The following COL12A1 variants were observed in gnomAD, a reference collection of about 807,000 sequenced individuals.
COL12A1 encodes the protein collagen alpha-1(XII) chain.
COL12A1 carries 114 observed loss-of-function variants against 349.7 expected under a neutral mutation model. That is an observed-to-expected ratio of 0.33 (90% CI 0.28 to 0.38). The LOEUF is 0.38. COL12A1 is among the 10% of genes least tolerant of loss of function. The pLI, the probability that COL12A1 is intolerant of heterozygous loss-of-function variation, is 1.00. For missense variants in COL12A1, 3,284 were observed against 3,756.9 expected (o/e 0.87, Z 3.29); for synonymous variants, 1,369 against 1,329.0 (o/e 1.03, Z -0.66).
chr6:75,086,404 G>A lies in COL12A1; in HGVS notation c.*143C>T, dbSNP rs931092677. On this transcript the variant is annotated 3_prime_UTR_variant, in exon 66 of 66. Coordinates refer to ENST00000322507, the MANE Select transcript of COL12A1 (RefSeq NM_004370.6). The stretch of plus-strand genomic sequence containing the variant: ...AAAAAGAGTCTCCACCCTCCTTTGT[G>A]ATGTCGACCCGGTTCGTTAACCATT... The A allele has an allele frequency of 1.8e-6, 1 of 546,194 alleles. No homozygotes were observed. Among genetic ancestry groups the A allele is most frequent in the East Asian group, 3.8e-5 (1 of 26,252 alleles). 33.8% of individuals were successfully genotyped at this position (546,194 alleles called of 1,614,324 possible). A position where few individuals can be genotyped will look rare whatever the true frequency, so the allele number is the denominator to read the frequency against.
rs761463900 is a variant in COL12A1 at position 75,192,344 on chromosome 6, T to C, written c.202A>G (p.Lys68Glu). The C allele has an allele frequency of 6.2e-7, 1 of 1,611,016 alleles. No homozygotes were observed. Among genetic ancestry groups the C allele is most frequent in the Non-Finnish European group, 8.5e-7 (1 of 1,178,362 alleles). ...GTACTAGCTGAAAGGGTAAATTCTT[T>C]AGTAGGCCCATCTGGAAATATAAAA... ...TVDPTTDGPT[K>E]EFTLSASTTE... Residue 68 changes from lysine to glutamate, a missense_variant, in exon 4 of 66, where the codon AAA becomes GAA. By Grantham distance (56) the Lys-to-Glu change is moderately conservative. Around this residue, in one of 2 missense-constraint regions of COL12A1, gnomAD observed 2,601 missense variants for 2,824.8 expected, o/e 0.92. Transcript: ENST00000322507.
At chr6:75,146,283 T>G in intron 23 of COL12A1, 39 bp from the exon 24 acceptor site, 1 of 1,530,994 alleles carries the variant, frequency 6.5e-7, no homozygotes, top group Non-Finnish European at 8.8e-7. Flanking sequence ...TCTAGTTCCT[T>G]TCATTCCACT....
intron 13 of COL12A1, among the ~76,000 whole-genome samples, chr6:75,170,100 A>C (rs1243643039): frequency 1.3e-5 from 2 of 152,176 alleles, no homozygotes; most frequent in African/African-American, 4.8e-5. Flanking sequence ...TAACTTTCCT[A>C]TGTTTCCTTA....
At chr6:75,093,189 C>A (rs992341572) in intron 60 of COL12A1, among the ~76,000 whole-genome samples, 1 of 152,128 alleles carries the variant, frequency 6.6e-6, no homozygotes, top group African/African-American at 2.4e-5. Flanking sequence ...TGTCTATATA[C>A]CCCCCAGAAT....
At chr6:75,147,263 C>T (rs1387330678) in intron 23 of COL12A1, among the ~76,000 whole-genome samples, 2 of 152,210 alleles carry the variant, frequency 1.3e-5, no homozygotes, top group Non-Finnish European at 2.9e-5. Flanking sequence ...TATCCTTCCT[C>T]ATATCTTACT....
chr6:75,104,190 AC>A (rs1366214482), intron 54 of COL12A1, among the ~76,000 whole-genome samples: 1 of 152,240 alleles, frequency 6.6e-6, no homozygotes, highest in Non-Finnish European at 1.5e-5. Context: ...GAGTATTAGA[AC>A]ATGTACTTAA....
intron 65 of COL12A1, 68 bp from the exon 66 acceptor site, chr6:75,086,625 C>G: frequency 2.6e-6 from 3 of 1,176,036 alleles, no homozygotes; most frequent in Non-Finnish European, 3.7e-6. Flanking sequence ...AATACACATC[C>G]ATCTACGTAT....
At chr6:75,097,211 T>C (rs1016039503) in intron 59 of COL12A1, 42 bp downstream of exon 59, 1 of 1,575,018 alleles carries the variant, frequency 6.3e-7, no homozygotes. Flanking sequence ...GGTGAGAGGG[T>C]GGGAGTGAAG....
chr6:75,098,648 G>A (rs928928991), intron 58 of COL12A1, among the ~76,000 whole-genome samples: 18 of 151,974 alleles, frequency 1.2e-4, no homozygotes, highest in Non-Finnish European at 2.2e-4. Flanking sequence ...GACACAGTGG[G>A]ACCCTATTTC....
In COL12A1 at chr6:75,123,376, C is replaced by T. The variant is rs1194108575; in HGVS notation, c.6900G>A (p.Glu2300=). The change falls in exon 43 of 66, where the codon GAG becomes GAA. Residue 2300 remains glutamate (E), a synonymous_variant. Coordinates refer to ENST00000322507, the MANE Select transcript of COL12A1 (RefSeq NM_004370.6). Reference sequence around the variant, plus strand: ...TGGGAGGGGGAGGAGGTGTGGGTGGCTCTGTAGGGGCTTCTGTTGGTTTCA... The same window carrying T: ...TGGGAGGGGGAGGAGGTGTGGGTGGTTCTGTAGGGGCTTCTGTTGGTTTCA... ...TTVKPTEAPT[E]PPTPPPPPTI... 6.3e-7 allele frequency: 1 copy of T among 1,599,454 alleles called. No individual in the cohort carries two copies. The highest frequency in any genetic ancestry group is 8.5e-7 in the Non-Finnish European group (1 of 1,172,298).
In COL12A1 at chr6:75,177,766, T is replaced by C. The variant is rs1582185053; in HGVS notation, c.2334A>G (p.Thr778=). Residue 778 remains threonine (T), a synonymous_variant, in exon 12 of 66, where the codon ACA becomes ACG. Coordinates refer to ENST00000322507, the MANE Select transcript of COL12A1 (RefSeq NM_004370.6). ...TCGTGTCTGGAATCAAGTTCTCCAG[T>C]GTTCTCCTCCTCTGATTGGGTGGGG... ...VTTPPNQRRR[T]LENLIPDTKY... 6.2e-7 allele frequency: 1 copy of C among 1,614,030 alleles called. No individual in the cohort carries two copies. Among genetic ancestry groups the C allele is most frequent in the African/African-American group, 1.3e-5 (1 of 74,918 alleles).
rs1769822041 is a variant in COL12A1, at chr6:75,189,642, T to A, written c.568A>T (p.Thr190Ser). 2.5e-6 allele frequency: 4 copies of A among 1,613,400 alleles called. No individual in the cohort carries two copies. Among genetic ancestry groups the A allele is most frequent in the Non-Finnish European group, 2.5e-6 (3 of 1,179,494 alleles). The change falls in exon 6 of 66, where the codon ACT becomes TCT. Residue 190 changes from threonine to serine, a missense_variant. Physicochemically the swap from Thr to Ser is moderately conservative, Grantham distance 58 (BLOSUM62 1). Around this residue, in one of 2 missense-constraint regions of COL12A1, gnomAD observed 2,601 missense variants for 2,824.8 expected, o/e 0.92. Transcript: ENST00000322507. ...GVVQYSSDTR[T>S]EFNLNQYYQR... ...TAGTACTGATTTAAGTTAAATTCAG[T>A]CCTGGTATCAGAGCTGTATTGAACA... is the stretch of plus-strand genomic sequence containing the variant.
At chr6:75,124,396 T>A (rs764026263) in intron 40 of COL12A1, 25 bp from the exon 41 acceptor site, 76 of 1,389,888 alleles carry the variant, frequency 5.5e-5, no homozygotes, top group South Asian at 1.4e-4. Context: ...AAGAAAGAGA[T>A]TTACTTTGTA....
At position 75,087,724 on chromosome 6, in the gene COL12A1, C is replaced by A; in HGVS notation, c.9034G>T (p.Gly3012Cys). 6.2e-7 allele frequency: 1 copy of A among 1,607,274 alleles called. No individual in the cohort carries two copies. ...CTTGAACCTGTGGACCCTGGTGGAC[C>A]TGTTCTGGATTCTCCTTGTGGACCT... ...PPGPQGESRTGPPGSTGSRGP... is the reference protein window; with the variant it reads ...PPGPQGESRTCPPGSTGSRGP... The change falls in exon 65 of 66, where the codon GGT becomes TGT. Residue 3012 changes from glycine to cysteine, a missense_variant. By Grantham distance (159) the Gly-to-Cys change is radical. Transcript: ENST00000322507.
intron 21 of COL12A1, 139 bp from the exon 22 acceptor site, chr6:75,148,636 A>T (rs1438342646): frequency 1.3e-5 from 9 of 709,160 alleles, no homozygotes; most frequent in Non-Finnish European, 2.0e-5. Flanking sequence ...TAGCTACAAT[A>T]AATCTGTATT....
chr6:75,165,805 T>A, intron 13 of COL12A1, 26 bp from the exon 14 acceptor site: 1 of 1,602,494 alleles, frequency 6.2e-7, no homozygotes, highest in South Asian at 1.1e-5. Context: ...AAAGGGAATC[T>A]TTTTTAAAAA....
intron 31 of COL12A1, 41 bp downstream of exon 31, chr6:75,137,396 G>A: frequency 6.6e-7 from 1 of 1,515,104 alleles, no homozygotes; most frequent in Non-Finnish European, 8.9e-7. Context: ...GAAGAGAAAT[G>A]GTAGAATTAA....
At chr6:75,135,044 A>G (rs1321685892) in intron 31 of COL12A1, among the ~76,000 whole-genome samples, 189 bp from the exon 32 acceptor site, 1 of 152,184 alleles carries the variant, frequency 6.6e-6, no homozygotes, top group South Asian at 2.1e-4. Flanking sequence ...CTCAAATCAT[A>G]AAAAGGATTC....
Position 75,090,188 on chromosome 6 carries a change from C to T in COL12A1, c.8863G>A (p.Ala2955Thr), listed in dbSNP as rs1343745478. The change falls in exon 63 of 66, where the codon GCC (alanine) becomes ACC (threonine). Residue 2955 changes from alanine (A) to threonine (T), a missense_variant. Coordinates refer to ENST00000322507, the MANE Select transcript of COL12A1 (RefSeq NM_004370.6). This position sits in a 1 kb window ranked among gnomAD's most constrained non-coding sequence, Gnocchi z 4.1. ...CCCCCAGGCCCAGGTTCTCCTCTGG[C>T]TCCTGCGCTACCAGGAGGTCCCGGT... ...GPPGPPGSAG[A>T]RGEPGPGGRP... The T allele has an allele frequency of 3.1e-6, 5 of 1,614,116 alleles. No individual in the cohort carries two copies. Among genetic ancestry groups the T allele is most frequent in the Non-Finnish European group, 4.2e-6 (5 of 1,180,008 alleles).
Sources: gnomAD v4.1 joint callset for allele counts (sites outside exome capture counted in the v4.1 genomes callset) on GRCh38, gnomAD v4.1.1 for gene constraint, gnomAD v4.1.1 regional missense constraint, Gnocchi (gnomAD v3.1) non-coding constraint, MANE v1.5 for transcripts, NCBI Gene and HGNC (gene_info 2026-07-23, HGNC 2026-07-21) for gene names.